CRAMP1: variants seen among roughly 807,000 people sequenced by gnomAD.
CRAMP1 encodes the protein cramped chromatin regulator 1.
In CRAMP1, 50 loss-of-function variants were observed where a neutral mutation model predicts 115.4. That is an observed-to-expected ratio of 0.43 (90% CI 0.35 to 0.55). CRAMP1 has a LOEUF of 0.55. Ranked by LOEUF, CRAMP1 falls within the 20% of genes least tolerant of loss-of-function variation. The probability of loss-of-function intolerance (pLI) is 0.01; values close to 1 mark genes in which losing one functional copy is unlikely to be tolerated. For missense variants in CRAMP1, 1,679 were observed against 1,721.7 expected, an observed-to-expected ratio of 0.98 and a Z score of 0.44; for synonymous variants, 866 against 745.4, an observed-to-expected ratio of 1.16 and a Z score of -2.64.
chr16:1,636,569 G>A lies in CRAMP1; in HGVS notation c.695-1255G>A, dbSNP rs917217502. ...TAGGGCCTTGAGAACAGGTCTCTGA[G>A]GAGAGAACTAGAGAGGACAATTGTG... On this transcript the variant is annotated intron_variant, in intron 4 of 20. Transcript: ENST00000397412. Among the ~76,000 whole-genome samples the A allele has an allele frequency of 2.6e-5, 4 of 152,176 alleles. No homozygotes were observed. In the East Asian group the frequency reaches 5.8e-4, roughly 22 times the overall value.
chr16:1,632,476 A>G (rs2036554945), intron 4 of CRAMP1, 111 bp downstream of exon 4: 2 of 1,136,922 alleles, frequency 1.8e-6, no homozygotes, highest in South Asian at 1.6e-5. Flanking sequence ...TTTTCTCACC[A>G]GCCGCTTGGC....
At chr16:1,654,306 C>T (rs901215680) in intron 8 of CRAMP1, among the ~76,000 whole-genome samples, 14 of 151,250 alleles carry the variant, frequency 9.3e-5, no homozygotes, top group African/African-American at 2.9e-4. Flanking sequence ...CCGTCTCCCA[C>T]GTTTAAGTGA....
At chr16:1,636,431 C>T (rs1241293279) in intron 4 of CRAMP1, among the ~76,000 whole-genome samples, 1 of 152,090 alleles carries the variant, frequency 6.6e-6, no homozygotes, top group Non-Finnish European at 1.5e-5. Flanking sequence ...GGTCTTAGGT[C>T]TTTCTCTCAG....
chr16:1,634,199 G>A (rs1256863740), intron 4 of CRAMP1, among the ~76,000 whole-genome samples: 1 of 152,152 alleles, frequency 6.6e-6, no homozygotes, highest in East Asian at 1.9e-4. Context: ...TCGGTCTAGT[G>A]TGCTTTGCTT....
intron 18 of CRAMP1, 34 bp from the exon 19 acceptor site, chr16:1,668,967 C>T: frequency 6.2e-7 from 1 of 1,610,658 alleles, no homozygotes; most frequent in Non-Finnish European, 8.5e-7. Flanking sequence ...CACCCCGCAA[C>T]AAGGCGTTTC....
At chr16:1,639,036 C>G (rs1236211136) in intron 5 of CRAMP1, among the ~76,000 whole-genome samples, 1 of 152,012 alleles carries the variant, frequency 6.6e-6, no homozygotes, top group African/African-American at 2.4e-5. Flanking sequence ...CTCATCTGCC[C>G]TCTCTCAGCC....
At chr16:1,618,078 AAGACATAAGTCAGG>A in intron 2 of CRAMP1, among the ~76,000 whole-genome samples, 1 of 152,338 alleles carries the variant, frequency 6.6e-6, no homozygotes, top group Middle Eastern at 3.4e-3. Flanking sequence ...AACCATCTGA[AAGACATAAGTCAGG>A]AGACAGAGTC....
At chr16:1,670,478 C>G (rs1408190697) in intron 19 of CRAMP1, 186 bp from the exon 20 acceptor site, 6 of 640,476 alleles carry the variant, frequency 9.4e-6, no homozygotes, top group Non-Finnish European at 1.7e-5. Flanking sequence ...TGCACGAAGG[C>G]CTGTTAAACG....
chr16:1,672,128 C>T lies in CRAMP1; in HGVS notation c.3645+1319C>T, dbSNP rs1784297939. ...ACGCCATGCTGTTGAAAGGACGGGCCACAGCCCAGTGACAGGAGCCCCTTG... is the reference window on the plus strand; with the variant it reads ...ACGCCATGCTGTTGAAAGGACGGGCTACAGCCCAGTGACAGGAGCCCCTTG... On this transcript the variant is annotated intron_variant, in intron 20 of 20. Transcript: ENST00000397412. This position sits in a 1 kb window ranked among gnomAD's most constrained non-coding sequence, Gnocchi z 4.9. Among the ~76,000 whole-genome samples the T allele has an allele frequency of 6.6e-6, 1 of 152,206 alleles. No individual in the cohort carries two copies.
chr16:1,626,886 T>C (rs912041255), intron 3 of CRAMP1, among the ~76,000 whole-genome samples: 5 of 152,206 alleles, frequency 3.3e-5, no homozygotes, highest in African/African-American at 7.2e-5. Flanking sequence ...AGCACAGCCA[T>C]GGCCAGGGTC....
chr16:1,618,971 C>T (rs2036443677), intron 2 of CRAMP1, among the ~76,000 whole-genome samples: 1 of 152,226 alleles, frequency 6.6e-6, no homozygotes. Context: ...GGTATTAAAA[C>T]TAGTTTCTGT....
intron 8 of CRAMP1, among the ~76,000 whole-genome samples, 182 bp from the exon 9 acceptor site, chr16:1,655,037 G>A (rs1567457562): frequency 6.6e-6 from 1 of 152,258 alleles, no homozygotes; most frequent in Admixed American, 6.5e-5. Context: ...GGCCATCGCA[G>A]CTGGAAAGGC....
chr16:1,643,148 C>T (rs1031205978), intron 6 of CRAMP1, among the ~76,000 whole-genome samples: 2 of 152,056 alleles, frequency 1.3e-5, no homozygotes, highest in African/African-American at 2.4e-5. Context: ...TTATGGGCTG[C>T]GTGATAGAGT....
intron 3 of CRAMP1, among the ~76,000 whole-genome samples, chr16:1,628,344 C>A (rs559526686): frequency 6.6e-6 from 1 of 152,328 alleles, no homozygotes; most frequent in East Asian, 1.9e-4. Flanking sequence ...GCCTCCACCT[C>A]CTGGGTTAAA....
chr16:1,668,906 C>T lies in CRAMP1; in HGVS notation c.3335-95C>T, dbSNP rs1285256502. On this transcript the variant is annotated intron_variant, in intron 18 of 20. Transcript: ENST00000397412. The stretch of plus-strand genomic sequence containing the variant: ...TCTGGTTCAGCAGGGTAGAGCCCTG[C>T]GGCCCTGCTGCCTTCTCCGTGGTGG... 5.1e-5 allele frequency: 60 copies of T among 1,181,390 alleles called. 2 individuals carry two copies. In the South Asian group the frequency reaches 5.3e-4, roughly 11 times the overall value. 73.2% of individuals were successfully genotyped at this position (1,181,390 alleles called of 1,614,324 possible). A position where few individuals can be genotyped will look rare whatever the true frequency, so the allele number is the denominator to read the frequency against.
chr16:1,636,147 G>C (rs955701035), intron 4 of CRAMP1, among the ~76,000 whole-genome samples: 1 of 152,150 alleles, frequency 6.6e-6, no homozygotes, highest in African/African-American at 2.4e-5. Flanking sequence ...GAGGTGGGCG[G>C]ATCACCTGAG....
chr16:1,644,489 A>G (rs578218400), intron 6 of CRAMP1, among the ~76,000 whole-genome samples: 1 of 152,286 alleles, frequency 6.6e-6, no homozygotes, highest in African/African-American at 2.4e-5. Context: ...TGGTGTAGAC[A>G]TGTACAGTAA....
At chr16:1,652,866 G>C (rs1031266573) in intron 7 of CRAMP1, among the ~76,000 whole-genome samples, 167 bp from the exon 8 acceptor site, 44 of 152,318 alleles carry the variant, frequency 2.9e-4, no homozygotes, top group African/African-American at 9.9e-4. Context: ...AAACCCCTGA[G>C]CAGCTACATT....
intron 6 of CRAMP1, among the ~76,000 whole-genome samples, chr16:1,650,609 T>C (rs1033967524): frequency 1.3e-5 from 2 of 152,250 alleles, no homozygotes; most frequent in Admixed American, 1.3e-4. Context: ...TGAATTTACA[T>C]AAGTAAGTGT....
Sources: allele counts gnomAD v4.1 joint callset (sites outside exome capture counted in the v4.1 genomes callset), GRCh38; gene constraint gnomAD v4.1.1; non-coding constraint Gnocchi (gnomAD v3.1); transcripts MANE v1.5; gene names NCBI Gene and HGNC (gene_info 2026-07-23, HGNC 2026-07-21).